PLRG1: variants seen among roughly 807,000 people sequenced by gnomAD.
PLRG1 encodes the protein pleiotropic regulator 1.
Under a neutral mutation model 74.9 loss-of-function variants are expected in PLRG1, and 28 were observed. The ratio of observed to expected loss-of-function variants is 0.37; its 90% CI spans 0.28 to 0.51. PLRG1 has a LOEUF of 0.51. PLRG1 is among the 20% of genes least tolerant of loss of function. The pLI is 0.91. For synonymous variants in PLRG1, 197 were observed against 212.4 expected, an observed-to-expected ratio of 0.93 and a Z score of 0.63; for missense variants, 445 against 631.9, an observed-to-expected ratio of 0.70 and a Z score of 3.17.
chr4:154,543,337 C>T (rs1423170775), intron 7 of PLRG1, among the ~76,000 whole-genome samples: 2 of 151,690 alleles, frequency 1.3e-5, no homozygotes, highest in South Asian at 2.1e-4. Context: ...TTTGTAGAGG[C>T]GGGGTTTTGT....
chr4:154,536,645 T>TA lies in PLRG1; in HGVS notation c.*39dup. 9.1e-7 allele frequency: 1 copy of TA among 1,096,436 alleles called. No homozygotes were observed. 67.9% of individuals were successfully genotyped at this position (1,096,436 alleles called of 1,614,324 possible). A position where few individuals can be genotyped will look rare whatever the true frequency, so the allele number is the denominator to read the frequency against. Reference sequence around the variant, plus strand: ...AACGCCAAGCTTTTTTTTTTTTAATTAAAAAGAAAAAAAAAGAGAGAGAAA... The same window carrying TA: ...AACGCCAAGCTTTTTTTTTTTTAATTAAAAAAGAAAAAAAAAGAGAGAGAAA... On this transcript the variant is annotated 3_prime_UTR_variant, in exon 15 of 15. Transcript: ENST00000499023.
chr4:154,540,827 T>A lies in PLRG1; in HGVS notation c.795A>T (p.Gly265=). Residue 265 remains glycine (G), a synonymous_variant, in exon 9 of 15, where the codon GGA becomes GGT. Transcript: ENST00000499023. ...STRSPYLFSC[G]EDKQVKCWDL... ...CCCAGCATTTCACTTGTTTGTCTTC[T>A]CCACAAGAGAACAGATATGGGCTCC... 2 of 1,613,716 alleles carry A rather than the reference T, an allele frequency of 1.2e-6. No individual in the cohort carries two copies. The highest frequency in any genetic ancestry group is 1.7e-6 in the Non-Finnish European group (2 of 1,179,684).
chr4:154,544,558 A>G lies in PLRG1; in HGVS notation c.493-12T>C. ...GTCTCCATGACAATCTAGACATAGA[A>G]GAGACATTATTATTATTAAAGACAT... On this transcript the variant is annotated splice_polypyrimidine_tract_variant and intron_variant, in intron 6 of 14. Transcript: ENST00000499023. 1 of 1,449,142 alleles carries G rather than the reference A, an allele frequency of 6.9e-7. No homozygotes were observed. Among genetic ancestry groups the G allele is most frequent in the Non-Finnish European group, 9.7e-7 (1 of 1,030,718 alleles). 89.8% of individuals were successfully genotyped at this position (1,449,142 alleles called of 1,614,324 possible).
chr4:154,540,815 T>C lies in PLRG1; in HGVS notation c.807A>G (p.Gln269=). 6.2e-7 allele frequency: 1 copy of C among 1,613,858 alleles called. No individual in the cohort carries two copies. The highest frequency in any genetic ancestry group is 1.3e-5 in the African/African-American group (1 of 75,024). Residue 269 remains glutamine, a synonymous_variant, in exon 9 of 15, where the codon CAA becomes CAG. Transcript: ENST00000499023. ...TGTATTCGAGATCCCAGCATTTCAC[T>C]TGTTTGTCTTCTCCACAAGAGAACA... ...PYLFSCGEDK[Q]VKCWDLEYNK...
intron 12 of PLRG1, among the ~76,000 whole-genome samples, 195 bp from the exon 13 acceptor site, chr4:154,538,303 G>A (rs1729491858): frequency 6.6e-6 from 1 of 152,060 alleles, no homozygotes; most frequent in Non-Finnish European, 1.5e-5. Context: ...ATTTTTAACA[G>A]TATATTTTAA....
At chr4:154,549,899 G>A (rs548072224) in intron 1 of PLRG1, 2 of 410,448 alleles carry the variant, frequency 4.9e-6, no homozygotes, top group South Asian at 2.0e-5. Flanking sequence ...TTTTCTGGGG[G>A]TAGAGGTGAA....
intron 2 of PLRG1, among the ~76,000 whole-genome samples, chr4:154,548,173 C>T (rs951307617): frequency 1.4e-4 from 22 of 152,102 alleles, no homozygotes; most frequent in Non-Finnish European, 2.2e-4. Flanking sequence ...AGTCAATATA[C>T]TTTCCTTCAA....
In PLRG1 at chr4:154,547,197, GA is replaced by G. The variant is rs891128760; in HGVS notation, c.260-134del. 8.3e-6 allele frequency: 6 copies of G among 721,066 alleles called. No homozygotes were observed. The African/African-American group carries it at 8.8e-5, about 11-fold the overall frequency. 44.7% of individuals were successfully genotyped at this position (721,066 alleles called of 1,614,324 possible). A position where few individuals can be genotyped will look rare whatever the true frequency, so the allele number is the denominator to read the frequency against. On this transcript the variant is annotated intron_variant, in intron 3 of 14. Transcript: ENST00000499023. ...TTTTCTCAACTAAAGTCAAGCCTCA[GA>G]AATAAGGGAAGTTGATCACTTTTGC... is the stretch of plus-strand genomic sequence containing the variant.
At chr4:154,539,333 G>A (rs180774866) in intron 11 of PLRG1, 120 bp from the exon 12 acceptor site, 161 of 637,110 alleles carry the variant, frequency 2.5e-4, no homozygotes, top group Non-Finnish European at 3.2e-4. Flanking sequence ...CATATCACAC[G>A]CAAATTAGTC....
intron 1 of PLRG1, 72 bp from the exon 2 acceptor site, chr4:154,549,007 A>G: frequency 1.1e-6 from 1 of 888,260 alleles, no homozygotes. Flanking sequence ...CAGATTGATT[A>G]TACACTTCAC....
chr4:154,542,349 C>A, intron 7 of PLRG1, 70 bp from the exon 8 acceptor site: 1 of 904,578 alleles, frequency 1.1e-6, no homozygotes, highest in East Asian at 2.5e-5. Context: ...AACTGCAGCC[C>A]GAGTTTGAAT....
intron 1 of PLRG1, chr4:154,549,732 C>T: frequency 2.2e-6 from 1 of 456,358 alleles, no homozygotes; most frequent in South Asian, 1.5e-5. Context: ...GCTAATGCAC[C>T]AGTCCAGGTG....
intron 1 of PLRG1, among the ~76,000 whole-genome samples, chr4:154,550,073 G>T (rs1729732210): frequency 6.6e-6 from 1 of 152,218 alleles, no homozygotes; most frequent in Non-Finnish European, 1.5e-5. Flanking sequence ...AGGACTGGAC[G>T]AATTATCTCA....
intron 5 of PLRG1, 72 bp downstream of exon 5, chr4:154,546,051 G>A: frequency 8.7e-7 from 1 of 1,146,566 alleles, no homozygotes; most frequent in African/African-American, 1.6e-5. Context: ...TAGTTATAAA[G>A]AAATTTTAAA....
At chr4:154,548,561 T>C (rs183129325) in intron 2 of PLRG1, among the ~76,000 whole-genome samples, 4 of 152,178 alleles carry the variant, frequency 2.6e-5, no homozygotes, top group Admixed American at 6.5e-5. Flanking sequence ...TGAAAGCACA[T>C]ACAAAGTGAT....
intron 3 of PLRG1, chr4:154,547,458 A>C (rs576847500): frequency 1.3e-4 from 71 of 528,158 alleles, no homozygotes; most frequent in Admixed American, 7.9e-4. Context: ...TTTTTCCTTT[A>C]ATCTCTACTG....
At chr4:154,543,368 T>C (rs774427652) in intron 7 of PLRG1, among the ~76,000 whole-genome samples, 2 of 152,142 alleles carry the variant, frequency 1.3e-5, no homozygotes, top group Non-Finnish European at 2.9e-5. Flanking sequence ...AGGCTGGTAC[T>C]GAACTCCTAG....
In PLRG1 at chr4:154,550,357, A is replaced by T; in HGVS notation, c.-49T>A. 1 of 1,584,860 alleles carries T rather than the reference A, an allele frequency of 6.3e-7. No homozygotes were observed. Among genetic ancestry groups the T allele is most frequent in the South Asian group, 1.1e-5 (1 of 90,462 alleles). ...CGGCAGGGAAGAAACTCTAATCACT[A>T]ACGCAGTACCCGCCGCCACAGCTGT... On this transcript the variant is annotated 5_prime_UTR_variant, in exon 1 of 15. Coordinates refer to ENST00000499023, the MANE Select transcript of PLRG1 (RefSeq NM_002669.4).
intron 13 of PLRG1, 86 bp from the exon 14 acceptor site, chr4:154,537,565 T>C (rs377075350): frequency 5.6e-6 from 5 of 898,202 alleles, no homozygotes; most frequent in African/African-American, 5.0e-5. Context: ...AGCCCAAGCA[T>C]GGGAATACTA....
Sources: gnomAD v4.1 joint callset for allele counts (sites outside exome capture counted in the v4.1 genomes callset) on GRCh38, gnomAD v4.1.1 for gene constraint, MANE v1.5 for transcripts, NCBI Gene and HGNC (gene_info 2026-07-23, HGNC 2026-07-21) for gene names.